NAV2: variants seen among roughly 807,000 people sequenced by gnomAD.
NAV2 encodes helicase, APC down-regulated 1.
In NAV2, 54 loss-of-function variants were observed where a neutral mutation model predicts 223.2. The observed-to-expected ratio is 0.24, with a 90% CI of 0.19 to 0.30. The LOEUF is 0.30. NAV2 is among the 10% of genes least tolerant of loss of function. The probability of loss-of-function intolerance (pLI) is 1.00; values close to 1 mark genes in which losing one functional copy is unlikely to be tolerated. For synonymous variants in NAV2, 1,279 were observed against 1,239.3 expected (o/e 1.03, Z -0.67); for missense variants, 2,806 against 3,147.5 (o/e 0.89, Z 2.60).
chr11:19,560,762 T>C (rs1399924548), intron 1 of NAV2, among the ~76,000 whole-genome samples: 2 of 152,210 alleles, frequency 1.3e-5, no homozygotes, highest in African/African-American at 4.8e-5. Flanking sequence ...TTCAGGTGAC[T>C]TCAGGAACTA....
chr11:19,444,653 C>A (rs1851519977), intron 1 of NAV2, among the ~76,000 whole-genome samples: 1 of 152,094 alleles, frequency 6.6e-6, no homozygotes, highest in African/African-American at 2.4e-5. Context: ...GAGTTTGGAT[C>A]TTACCTGTTA....
chr11:19,622,714 A>T (rs985132763), intron 1 of NAV2, among the ~76,000 whole-genome samples: 3 of 152,150 alleles, frequency 2.0e-5, no homozygotes, highest in Admixed American at 6.5e-5. Flanking sequence ...TTGACTCTTT[A>T]TGCAATTTTC....
At chr11:19,625,131 A>G (rs533064378) in intron 1 of NAV2, among the ~76,000 whole-genome samples, 168 of 152,310 alleles carry the variant, frequency 1.1e-3, no homozygotes, top group Middle Eastern at 6.8e-3. Flanking sequence ...AACTATAGCC[A>G]TCCCACAGTG....
chr11:19,415,251 G>C (rs1472888794), intron 1 of NAV2, among the ~76,000 whole-genome samples: 2 of 152,140 alleles, frequency 1.3e-5, no homozygotes, highest in African/African-American at 4.8e-5. Flanking sequence ...AATAAAAAAT[G>C]GTAAAGGGGA....
rs1368664896 is a variant in NAV2, at chr11:20,077,639, A to AG, written c.5067+6dup. 1 of 1,611,898 alleles carries AG rather than the reference A, an allele frequency of 6.2e-7. No homozygotes were observed. The highest frequency in any genetic ancestry group is 8.5e-7 in the Non-Finnish European group (1 of 1,177,964). On this transcript the variant is annotated splice_donor_region_variant and intron_variant, in intron 23 of 37. Coordinates refer to ENST00000349880, the MANE Select transcript of NAV2 (RefSeq NM_145117.5). ...GACCATGACAGCTGAGCAGAAGGTA[A>AG]GGCAGAAAGGATACTTTAACCCTCC...
chr11:19,512,580 G>T (rs1237626166), intron 1 of NAV2, among the ~76,000 whole-genome samples: 4 of 152,172 alleles, frequency 2.6e-5, no homozygotes, highest in Admixed American at 6.5e-5. Context: ...TTTATTTTAG[G>T]ATCTTAGAGT....
At chr11:19,741,675 A>G (rs917896080) in intron 1 of NAV2, among the ~76,000 whole-genome samples, 3 of 79,612 alleles carry the variant, frequency 3.8e-5, no homozygotes, top group African/African-American at 9.5e-5. Flanking sequence ...TGTATGTATC[A>G]TGTGTGTGTG....
At position 19,551,978 on chromosome 11, in the gene NAV2, G is replaced by T. The variant is rs2044705799; in HGVS notation, c.75+200951G>T. On this transcript the variant is annotated intron_variant, in intron 1 of 37. Coordinates refer to the NAV2 transcript ENST00000360655. ...CATTAGCTCCCTGACTGCAACCCTG[G>T]GGTCTTGGGGCTTCTGAGGCCTGCA... 3.3e-5 allele frequency among the ~76,000 whole-genome samples: 5 copies of T among 151,846 alleles called. No individual in the cohort carries two copies. The South Asian group carries it at 1.0e-3, about 32-fold the overall frequency.
chr11:19,461,977 TTG>T (rs1852182169), intron 1 of NAV2, among the ~76,000 whole-genome samples: 1 of 151,704 alleles, frequency 6.6e-6, no homozygotes, highest in African/African-American at 2.4e-5. Flanking sequence ...GGCTAATTTT[TTG>T]TGTGTTTTTA....
intron 1 of NAV2, among the ~76,000 whole-genome samples, chr11:19,429,480 A>G (rs1358909145): frequency 6.6e-6 from 1 of 152,220 alleles, no homozygotes; most frequent in Non-Finnish European, 1.5e-5. Context: ...CTTCGGCAGT[A>G]GGACTCCAGT....
chr11:19,773,766 A>G (rs1342761553), intron 1 of NAV2, among the ~76,000 whole-genome samples: 4 of 152,076 alleles, frequency 2.6e-5, no homozygotes, highest in Non-Finnish European at 5.9e-5. Flanking sequence ...CATGCTGGTG[A>G]TATCAGGCAT....
chr11:19,688,813 A>G (rs1315840400), intron 1 of NAV2, among the ~76,000 whole-genome samples: 1 of 152,210 alleles, frequency 6.6e-6, no homozygotes, highest in African/African-American at 2.4e-5. Context: ...GACTATGAGT[A>G]TAGGCATGGT....
chr11:19,366,494 G>A lies in NAV2; in HGVS notation c.75+15467G>A, dbSNP rs4268480. On this transcript the variant is annotated intron_variant, in intron 1 of 37. Coordinates refer to the NAV2 transcript ENST00000360655. Reference sequence around the variant, plus strand: ...AGGGTACCAGGAGCCCCTGGGTGAGGAAGCATGTGGCTGGATGAGTTGAAG... The same window carrying A: ...AGGGTACCAGGAGCCCCTGGGTGAGAAAGCATGTGGCTGGATGAGTTGAAG... Among the ~76,000 whole-genome samples the A allele has an allele frequency of 1.1e-4, 16 of 152,280 alleles. No individual in the cohort carries two copies. In the East Asian group the frequency reaches 2.7e-3, roughly 26 times the overall value.
intron 10 of NAV2, among the ~76,000 whole-genome samples, chr11:19,976,428 G>A (rs1333202072): frequency 1.3e-5 from 2 of 152,172 alleles, no homozygotes; most frequent in Admixed American, 1.3e-4. Flanking sequence ...AGTAGAAATG[G>A]CAAAAGTCTG....
chr11:19,885,562 T>C (rs567508129), intron 5 of NAV2, among the ~76,000 whole-genome samples: 1 of 152,384 alleles, frequency 6.6e-6, no homozygotes, highest in African/African-American at 2.4e-5. Flanking sequence ...CATATTCTTA[T>C]TGAGTATTGA....
intron 22 of NAV2, among the ~76,000 whole-genome samples, chr11:20,071,800 A>G (rs1434247427): frequency 6.6e-6 from 1 of 152,054 alleles, no homozygotes; most frequent in Non-Finnish European, 1.5e-5. Context: ...TTTCTTGTAA[A>G]TTTGTTTAAG....
intron 11 of NAV2, among the ~76,000 whole-genome samples, chr11:20,007,446 C>A (rs1462271997): frequency 6.6e-6 from 1 of 152,220 alleles, no homozygotes; most frequent in Admixed American, 6.5e-5. Flanking sequence ...CTTTGAGTGG[C>A]CTTGAGGCTT....
chr11:19,862,444 T>C (rs1171080993), intron 3 of NAV2, among the ~76,000 whole-genome samples: 1 of 152,224 alleles, frequency 6.6e-6, no homozygotes, highest in Non-Finnish European at 1.5e-5. Context: ...GCTGTAAACG[T>C]TGATGCTTGA....
chr11:19,628,820 T>C (rs751686560), intron 1 of NAV2, among the ~76,000 whole-genome samples: 4 of 152,184 alleles, frequency 2.6e-5, no homozygotes, highest in Non-Finnish European at 4.4e-5. Flanking sequence ...TCTAGTCTTC[T>C]GGAATCATTG....
Sources: gnomAD v4.1 joint callset for allele counts (sites outside exome capture counted in the v4.1 genomes callset) on GRCh38, gnomAD v4.1.1 for gene constraint, MANE v1.5 for transcripts, NCBI Gene and HGNC (gene_info 2026-07-23, HGNC 2026-07-21) for gene names.